The following SLC22A23 variants were observed in gnomAD, a reference collection of about 807,000 sequenced individuals.
The protein encoded by SLC22A23 is solute carrier family 22 member 23, also known as ion transporter protein.
A neutral mutation model predicts 61.0 loss-of-function variants in SLC22A23; 26 were observed. The ratio of observed to expected loss-of-function variants is 0.43; its 90% CI spans 0.31 to 0.59. The LOEUF is 0.59. SLC22A23 is among the 20% of genes least tolerant of loss of function. The pLI, the probability that SLC22A23 is intolerant of heterozygous loss-of-function variation, is 0.11. For synonymous variants in SLC22A23, 430 were observed against 413.9 expected, an observed-to-expected ratio of 1.04 and a Z score of -0.47; for missense variants, 796 against 934.7, an observed-to-expected ratio of 0.85 and a Z score of 1.94.
intron 5 of SLC22A23, among the ~76,000 whole-genome samples, chr6:3,294,380 T>C (rs1760888213): frequency 6.6e-6 from 1 of 152,212 alleles, no homozygotes; most frequent in Admixed American, 6.5e-5. Flanking sequence ...ACCCACATGA[T>C]TCTCAAAGGA....
At chr6:3,398,588 T>C (rs1005167832) in intron 3 of SLC22A23, among the ~76,000 whole-genome samples, 3 of 151,908 alleles carry the variant, frequency 2.0e-5, no homozygotes, top group African/African-American at 4.8e-5. Flanking sequence ...AGAGGCCCTC[T>C]GAGCTGTCCC....
intron 3 of SLC22A23, among the ~76,000 whole-genome samples, chr6:3,408,641 G>A (rs1358964629): frequency 1.3e-5 from 2 of 152,200 alleles, no homozygotes; most frequent in African/African-American, 2.4e-5. Context: ...CCAGTCATTA[G>A]TAATTGGCAT....
intron 3 of SLC22A23, among the ~76,000 whole-genome samples, chr6:3,385,405 A>G (rs1016754221): frequency 5.3e-5 from 8 of 152,168 alleles, no homozygotes; most frequent in Non-Finnish European, 7.4e-5. Context: ...AGTTCCAACT[A>G]CTTGGGAGTC....
At chr6:3,450,288 T>C (rs953402912) in intron 1 of SLC22A23, among the ~76,000 whole-genome samples, 9 of 152,220 alleles carry the variant, frequency 5.9e-5, no homozygotes, top group African/African-American at 2.2e-4. Flanking sequence ...TGGGATGACC[T>C]CATGGTAGTC....
At chr6:3,448,044 A>G (rs1771994564) in intron 1 of SLC22A23, among the ~76,000 whole-genome samples, 1 of 151,548 alleles carries the variant, frequency 6.6e-6, no homozygotes, top group Admixed American at 6.6e-5. Context: ...CTGGGATTAC[A>G]GGCACCCACC....
Position 3,410,187 on chromosome 6 carries a change from C to T in SLC22A23, c.913+1G>A. 9 of 1,607,588 alleles carry T rather than the reference C, an allele frequency of 5.6e-6. No homozygotes were observed. The highest frequency in any genetic ancestry group is 7.6e-6 in the Non-Finnish European group (9 of 1,177,918). On this transcript the variant is annotated splice_donor_variant, in intron 3 of 9. Transcript: ENST00000406686. LOFTEE classifies it high-confidence loss of function. This position sits in a 1 kb window ranked among gnomAD's most constrained non-coding sequence, Gnocchi z 5.0. ...GACTAGTCGTGAAGGCTCCTACTTA[C>T]GTAAAGCATACAAGGTGAGAATGAT...
In SLC22A23 at chr6:3,342,383, A is replaced by G. The variant is rs1764200877; in HGVS notation, c.914-18381T>C. ...AACCGAATACTAAAATTTGAAATTC[A>G]GAATGAAGTACAGCCCCAGAAACTA... On this transcript the variant is annotated intron_variant, in intron 3 of 9. Transcript: ENST00000406686. The surrounding 1 kb of genome is among the most constrained non-coding windows in gnomAD (Gnocchi z 4.0). 6.6e-6 allele frequency among the ~76,000 whole-genome samples: 1 copy of G among 152,250 alleles called. No homozygotes were observed. Among genetic ancestry groups the G allele is most frequent in the African/African-American group, 2.4e-5 (1 of 41,466 alleles).
rs181987093 is a variant in SLC22A23 at position 3,304,622 on chromosome 6, G to A, written c.1083-6404C>T. Among the ~76,000 whole-genome samples the A allele has an allele frequency of 6.6e-5, 10 of 150,828 alleles. No homozygotes were observed. Among genetic ancestry groups the A allele is most frequent in the Non-Finnish European group, 1.3e-4 (9 of 67,156 alleles). On this transcript the variant is annotated intron_variant, in intron 4 of 9. Coordinates refer to ENST00000406686, the MANE Select transcript of SLC22A23 (RefSeq NM_015482.2). The surrounding 1 kb of genome is among the most constrained non-coding windows in gnomAD (Gnocchi z 4.3). Reference sequence around the variant, plus strand: ...CACTGAGCGAGTTGGATAGAAGCCCGCATGGCGTGGGTTGTAGTGGGGGCA... The same window carrying A: ...CACTGAGCGAGTTGGATAGAAGCCCACATGGCGTGGGTTGTAGTGGGGGCA...
intron 9 of SLC22A23, chr6:3,283,433 G>A (rs528818305): frequency 5.3e-5 from 14 of 264,262 alleles, no homozygotes; most frequent in South Asian, 5.2e-4. Context: ...ACTCCATCTC[G>A]GGGAGGGCCG....
chr6:3,357,403 C>A (rs1765182637), intron 3 of SLC22A23, among the ~76,000 whole-genome samples: 1 of 152,302 alleles, frequency 6.6e-6, no homozygotes, highest in South Asian at 2.1e-4. Flanking sequence ...TATCAATTAG[C>A]ATGAGGAAAG....
At chr6:3,449,824 A>C (rs1772083162) in intron 1 of SLC22A23, among the ~76,000 whole-genome samples, 1 of 152,250 alleles carries the variant, frequency 6.6e-6, no homozygotes, top group Non-Finnish European at 1.5e-5. Flanking sequence ...ACACGTGTGC[A>C]AATGTCTGTG....
intron 4 of SLC22A23, among the ~76,000 whole-genome samples, chr6:3,298,764 A>T (rs971360688): frequency 4.5e-4 from 69 of 151,942 alleles, no homozygotes; most frequent in Middle Eastern, 6.8e-3. Flanking sequence ...TGAGGTCAGG[A>T]GATCGAGACC....
intron 6 of SLC22A23, among the ~76,000 whole-genome samples, chr6:3,287,431 T>C (rs1414262850): frequency 2.6e-5 from 4 of 152,016 alleles, no homozygotes; most frequent in African/African-American, 9.7e-5. Context: ...AGGTACTGAC[T>C]CATTTAACCC....
intron 3 of SLC22A23, among the ~76,000 whole-genome samples, chr6:3,354,218 A>G (rs1044371931): frequency 6.6e-6 from 1 of 152,212 alleles, no homozygotes; most frequent in African/African-American, 2.4e-5. Context: ...TGCACTCCCA[A>G]CGGAGAGGCA....
At chr6:3,306,529 AG>A (rs2127371540) in intron 4 of SLC22A23, among the ~76,000 whole-genome samples, 1 of 152,350 alleles carries the variant, frequency 6.6e-6, no homozygotes. Flanking sequence ...TACATTGCCC[AG>A]GATTACACAG....
intron 3 of SLC22A23, among the ~76,000 whole-genome samples, chr6:3,376,258 C>T (rs913533): frequency 0.31 from 46,726 of 152,086 alleles, 8,071 homozygotes; most frequent in Middle Eastern, 0.42. Flanking sequence ...TTCATTTCAA[C>T]GTCTGATTTG....
intron 3 of SLC22A23, among the ~76,000 whole-genome samples, chr6:3,393,901 C>G (rs1416411960): frequency 1.3e-5 from 2 of 152,178 alleles, no homozygotes; most frequent in Non-Finnish European, 2.9e-5. Context: ...TCTCCCTGTG[C>G]CCTTCCCTCC....
chr6:3,365,782 GC>G (rs1457991567), intron 3 of SLC22A23, among the ~76,000 whole-genome samples: 1 of 152,088 alleles, frequency 6.6e-6, no homozygotes, highest in Non-Finnish European at 1.5e-5. Context: ...CAGTCATCAT[GC>G]CCTTAATGCA....
intron 3 of SLC22A23, among the ~76,000 whole-genome samples, chr6:3,369,293 T>G (rs1467065746): frequency 6.6e-6 from 1 of 152,182 alleles, no homozygotes; most frequent in East Asian, 1.9e-4. Flanking sequence ...TAAAGGTCAC[T>G]CTAAAGGTCA....
Sources: gnomAD v4.1 joint callset for allele counts (sites outside exome capture counted in the v4.1 genomes callset) on GRCh38, gnomAD v4.1.1 for gene constraint, Gnocchi (gnomAD v3.1) non-coding constraint, MANE v1.5 for transcripts, NCBI Gene and HGNC (gene_info 2026-07-23, HGNC 2026-07-21) for gene names.